The following METTL15 variants were observed in gnomAD, a reference collection of about 807,000 sequenced individuals.
METTL15 encodes the protein methyltransferase 15, mitochondrial 12S rRNA N4-cytidine, also known as 12S rRNA N(4)-cytidine methyltransferase METTL15.
A neutral mutation model predicts 38.3 loss-of-function variants in METTL15; 34 were observed. That is an observed-to-expected ratio of 0.89 (90% CI 0.68 to 1.18). The LOEUF is 1.18. METTL15 is among the 50% of genes most tolerant of loss of function. METTL15 has a pLI of 0.00. For missense variants in METTL15, 438 were observed against 498.4 expected (o/e 0.88, Z 1.15); for synonymous variants, 162 against 170.9 (o/e 0.95, Z 0.41).
At chr11:28,207,816 C>T (rs879181090) in intron 3 of METTL15, among the ~76,000 whole-genome samples, 1 of 152,124 alleles carries the variant, frequency 6.6e-6, no homozygotes, top group Non-Finnish European at 1.5e-5. Flanking sequence ...AGAGATTCAA[C>T]TTCTTCCTGG....
At position 28,227,166 on chromosome 11, in the gene METTL15, G is replaced by A. The variant is rs192600398; in HGVS notation, c.407+15968G>A. 3.1e-3 allele frequency among the ~76,000 whole-genome samples: 478 copies of A among 151,812 alleles called. 4 individuals carry two copies. Among genetic ancestry groups the A allele is most frequent in the Non-Finnish European group, 5.3e-3 (356 of 67,802 alleles). ...TAGTTCCGAGGCTTGAGGAATATATGTTTATTCCATAAACATGTATTATAC... is the reference window on the plus strand; with the variant it reads ...TAGTTCCGAGGCTTGAGGAATATATATTTATTCCATAAACATGTATTATAC... On this transcript the variant is annotated intron_variant, in intron 4 of 6. Transcript: ENST00000407364.
Position 28,370,650 on chromosome 11 carries a change from G to C in METTL15, c.*358+8614G>C, listed in dbSNP as rs1371551546. 2.6e-5 allele frequency among the ~76,000 whole-genome samples: 4 copies of C among 151,932 alleles called. No individual in the cohort carries two copies. In the South Asian group the frequency reaches 8.3e-4, roughly 31 times the overall value. ...CGTTCATACATTTTCCATAGTGACT[G>C]TGTTAATTTACATACTCACCAATGG... On this transcript the variant is annotated intron_variant and NMD_transcript_variant, in intron 5 of 7. Transcript: ENST00000532947.
chr11:28,390,494 C>G (rs940528528), intron 5 of METTL15, among the ~76,000 whole-genome samples: 6 of 152,086 alleles, frequency 3.9e-5, no homozygotes, highest in African/African-American at 1.4e-4. Context: ...GAATCCTTTC[C>G]CCATTGCTTG....
At chr11:28,388,130 C>CT (rs1156582419) in intron 5 of METTL15, among the ~76,000 whole-genome samples, 2 of 152,046 alleles carry the variant, frequency 1.3e-5, no homozygotes, top group Non-Finnish European at 2.9e-5. Flanking sequence ...CTCTAGTGAT[C>CT]TTTTTCTCTA....
intron 5 of METTL15, among the ~76,000 whole-genome samples, chr11:28,291,023 C>A (rs1404463397): frequency 6.6e-6 from 1 of 150,412 alleles, no homozygotes; most frequent in Non-Finnish European, 1.5e-5. Context: ...CAATCATATT[C>A]TAGGAAAGTG....
At chr11:28,321,030 A>G (rs1385079099) in intron 6 of METTL15, among the ~76,000 whole-genome samples, 1 of 152,180 alleles carries the variant, frequency 6.6e-6, no homozygotes, top group Non-Finnish European at 1.5e-5. Context: ...AGGGGTTTTC[A>G]ATAGCCCTTT....
intron 3 of METTL15, among the ~76,000 whole-genome samples, chr11:28,197,972 G>A (rs1235381324): frequency 1.3e-5 from 2 of 151,986 alleles, no homozygotes; most frequent in Non-Finnish European, 2.9e-5. Context: ...TGATTAAAGA[G>A]CTCAGTATTT....
chr11:28,524,108 A>G (rs751856045), intron 6 of METTL15, among the ~76,000 whole-genome samples: 64 of 152,356 alleles, frequency 4.2e-4, no homozygotes, highest in Non-Finnish European at 2.9e-4. Flanking sequence ...TTTCATTTCC[A>G]CTTTTTACCA....
chr11:28,430,778 C>T (rs1850916630), intron 6 of METTL15, among the ~76,000 whole-genome samples: 1 of 103,004 alleles, frequency 9.7e-6, no homozygotes, highest in Non-Finnish European at 2.1e-5. Context: ...GTGAGGGGCG[C>T]CTCTGCCCGG....
chr11:28,477,814 C>T (rs1851359966), intron 6 of METTL15, among the ~76,000 whole-genome samples: 1 of 152,014 alleles, frequency 6.6e-6, no homozygotes, highest in African/African-American at 2.4e-5. Context: ...TCCTTGAATT[C>T]TTCTTCAATA....
At chr11:28,170,952 C>T (rs897682074) in intron 3 of METTL15, among the ~76,000 whole-genome samples, 1 of 152,078 alleles carries the variant, frequency 6.6e-6, no homozygotes. Flanking sequence ...AAGATGGAGT[C>T]GCTGTGGTTC....
At chr11:28,173,957 A>G (rs549615372) in intron 3 of METTL15, among the ~76,000 whole-genome samples, 16 of 152,302 alleles carry the variant, frequency 1.1e-4, no homozygotes, top group Non-Finnish European at 1.3e-4. Flanking sequence ...AAGGGTATGT[A>G]CTATCAATAT....
intron 4 of METTL15, among the ~76,000 whole-genome samples, chr11:28,229,439 A>AT (rs1853602257): frequency 1.3e-5 from 2 of 151,978 alleles, no homozygotes; most frequent in African/African-American, 2.4e-5. Flanking sequence ...TGAAGGCTAT[A>AT]CCTGTGCAAT....
chr11:28,284,957 G>C (rs925341948), intron 4 of METTL15, among the ~76,000 whole-genome samples: 2 of 152,056 alleles, frequency 1.3e-5, no homozygotes, highest in African/African-American at 2.4e-5. Context: ...GCAAGGGCAG[G>C]ACCAGGTGAA....
intron 3 of METTL15, among the ~76,000 whole-genome samples, chr11:28,137,855 A>C (rs1849565983): frequency 6.6e-6 from 1 of 151,068 alleles, no homozygotes. Context: ...AATTAGAGCT[A>C]TTTTTTATAA....
chr11:28,450,270 C>A lies in METTL15; in HGVS notation c.*424+25906C>A, dbSNP rs367791880. 7.9e-5 allele frequency among the ~76,000 whole-genome samples: 12 copies of A among 152,276 alleles called. No individual in the cohort carries two copies. The South Asian group carries it at 1.9e-3, about 24-fold the overall frequency. Reference sequence around the variant, plus strand: ...TTCAAGAAATGAAACTCCCTTTTAACATTTTTGTTTCCATTTATTTCAAAC... The same window carrying A: ...TTCAAGAAATGAAACTCCCTTTTAAAATTTTTGTTTCCATTTATTTCAAAC... On this transcript the variant is annotated intron_variant and NMD_transcript_variant, in intron 6 of 7. Transcript: ENST00000532947.
chr11:28,326,221 T>C (rs1223174462), intron 6 of METTL15, among the ~76,000 whole-genome samples: 1 of 152,112 alleles, frequency 6.6e-6, no homozygotes, highest in Non-Finnish European at 1.5e-5. Flanking sequence ...TTTTCTGTCT[T>C]ATTAATATTT....
At chr11:28,379,529 T>G (rs1301994865) in intron 5 of METTL15, among the ~76,000 whole-genome samples, 1 of 152,194 alleles carries the variant, frequency 6.6e-6, no homozygotes, top group East Asian at 1.9e-4. Flanking sequence ...AAGATTCTTC[T>G]TATTATTAAA....
At chr11:28,455,216 C>CTTTTT (rs34686157) in intron 6 of METTL15, among the ~76,000 whole-genome samples, 2 of 85,824 alleles carry the variant, frequency 2.3e-5, no homozygotes, top group Non-Finnish European at 4.4e-5. Flanking sequence ...GATCAGCTAG[C>CTTTTT]TTTTTTTTTT....
Sources: allele counts gnomAD v4.1 joint callset (sites outside exome capture counted in the v4.1 genomes callset), GRCh38; gene constraint gnomAD v4.1.1; transcripts MANE v1.5; gene names NCBI Gene and HGNC (gene_info 2026-07-23, HGNC 2026-07-21).